Variants in BBS9 observed in about 807,000 individuals in gnomAD.
The protein encoded by BBS9 is protein PTHB1.
A neutral mutation model predicts 117.7 loss-of-function variants in BBS9; 89 were observed. That is an observed-to-expected ratio of 0.76 (90% CI 0.64 to 0.90). BBS9 has a LOEUF of 0.90. BBS9 is among the 40% of genes least tolerant of loss of function. The pLI, the probability that BBS9 is intolerant of heterozygous loss-of-function variation, is 0.00. For synonymous variants in BBS9, 379 were observed against 370.9 expected (o/e 1.02, Z -0.25); for missense variants, 982 against 1,042.2 (o/e 0.94, Z 0.80).
rs1276911795 is a variant in BBS9 at position 33,561,940 on chromosome 7, A to G, written c.2521+27764A>G. On this transcript the variant is annotated intron_variant, in intron 21 of 22. Coordinates refer to ENST00000242067, the MANE Select transcript of BBS9 (RefSeq NM_198428.3). ...ATATTACATAGACATGTTACCAACAATAGTCTTTTCTTTCTTGAAAAATAG... is the reference window on the plus strand; with the variant it reads ...ATATTACATAGACATGTTACCAACAGTAGTCTTTTCTTTCTTGAAAAATAG... Among the ~76,000 whole-genome samples, 5 of 152,216 alleles carry G rather than the reference A, an allele frequency of 3.3e-5. No individual in the cohort carries two copies. In the East Asian group the frequency reaches 9.6e-4, roughly 29 times the overall value.
chr7:33,243,736 A>G (rs1245794657), intron 5 of BBS9, among the ~76,000 whole-genome samples: 1 of 152,178 alleles, frequency 6.6e-6, no homozygotes. Flanking sequence ...GAGGTTCTCA[A>G]TTACTATCCT....
At chr7:33,164,382 C>G (rs992286320) in intron 4 of BBS9, among the ~76,000 whole-genome samples, 1 of 152,078 alleles carries the variant, frequency 6.6e-6, no homozygotes, top group African/African-American at 2.4e-5. Context: ...TCCTGGATAT[C>G]CTTGTTAACT....
At chr7:33,145,961 C>A (rs767670874) in intron 1 of BBS9, among the ~76,000 whole-genome samples, 5 of 152,120 alleles carry the variant, frequency 3.3e-5, no homozygotes, top group Admixed American at 1.3e-4. Context: ...AGAATCTGTT[C>A]TTTTGTTATT....
At chr7:33,532,119 C>T (rs1413607658) in intron 20 of BBS9, among the ~76,000 whole-genome samples, 4 of 152,220 alleles carry the variant, frequency 2.6e-5, no homozygotes, top group African/African-American at 9.7e-5. Context: ...AGTCTCAGAG[C>T]CCCAAAGAGG....
At chr7:33,257,968 A>T (rs17170143) in intron 6 of BBS9, among the ~76,000 whole-genome samples, 17,162 of 152,228 alleles carry the variant, frequency 0.11, 1,141 homozygotes, top group African/African-American at 0.18. Context: ...AAATGACCCT[A>T]GGCAAATAGT....
At chr7:33,619,007 T>G (rs1865278146) in intron 21 of BBS9, among the ~76,000 whole-genome samples, 4 of 152,104 alleles carry the variant, frequency 2.6e-5, no homozygotes, top group Admixed American at 2.6e-4. Context: ...ATAGAAGTCC[T>G]TCTCATTAAT....
intron 9 of BBS9, among the ~76,000 whole-genome samples, chr7:33,293,391 G>A (rs142819384): frequency 8.6e-5 from 13 of 151,688 alleles, no homozygotes; most frequent in African/African-American, 2.9e-4. Context: ...TCACAGACAC[G>A]GAAAAAAGGA....
At chr7:33,209,554 C>T (rs1583637556) in intron 5 of BBS9, among the ~76,000 whole-genome samples, 2 of 152,152 alleles carry the variant, frequency 1.3e-5, no homozygotes, top group African/African-American at 4.8e-5. Context: ...TAATTATTCC[C>T]ATCAATAGTG....
chr7:33,544,547 G>A (rs775972913), intron 21 of BBS9, among the ~76,000 whole-genome samples: 8 of 152,186 alleles, frequency 5.3e-5, no homozygotes, highest in East Asian at 1.9e-4. Flanking sequence ...AATGTGAACC[G>A]TCTGTGGGTC....
chr7:33,312,131 C>T (rs1323981402), intron 9 of BBS9, among the ~76,000 whole-genome samples: 2 of 152,164 alleles, frequency 1.3e-5, no homozygotes, highest in Non-Finnish European at 2.9e-5. Flanking sequence ...TTCTGTCCAC[C>T]ATTTTTTTGA....
chr7:33,459,842 G>A (rs949992104), intron 19 of BBS9, among the ~76,000 whole-genome samples: 3 of 152,010 alleles, frequency 2.0e-5, no homozygotes, highest in Non-Finnish European at 4.4e-5. Flanking sequence ...TTAAAACTTG[G>A]TCTTTACCAT....
At chr7:33,574,446 A>G (rs1001136002) in intron 21 of BBS9, among the ~76,000 whole-genome samples, 3 of 152,064 alleles carry the variant, frequency 2.0e-5, no homozygotes, top group African/African-American at 7.2e-5. Context: ...GATGAAGAAG[A>G]TGAGGCCCAG....
Position 33,164,162 on chromosome 7 carries a change from G to A in BBS9, c.328+8460G>A, listed in dbSNP as rs183382800. 5.1e-3 allele frequency among the ~76,000 whole-genome samples: 771 copies of A among 152,282 alleles called. 9 individuals carry two copies. Among genetic ancestry groups the A allele is most frequent in the African/African-American group, 0.017 (727 of 41,556 alleles). On this transcript the variant is annotated intron_variant, in intron 4 of 22. Coordinates refer to ENST00000242067, the MANE Select transcript of BBS9 (RefSeq NM_198428.3). ...AGTTTTGAATGAGTTTCTTAATCCT[G>A]AGTTCTAATTTGATTGCACTGTGGT...
intron 21 of BBS9, among the ~76,000 whole-genome samples, chr7:33,631,621 C>T (rs1463796613): frequency 6.6e-6 from 1 of 152,228 alleles, no homozygotes; most frequent in Non-Finnish European, 1.5e-5. Context: ...TTCAGAGGCC[C>T]TCCCAGTGGT....
intron 21 of BBS9, among the ~76,000 whole-genome samples, chr7:33,598,779 A>G (rs1457857460): frequency 6.6e-6 from 1 of 152,222 alleles, no homozygotes; most frequent in African/African-American, 2.4e-5. Context: ...TTCTGGTAGT[A>G]GTATTGTAAG....
intron 9 of BBS9, among the ~76,000 whole-genome samples, chr7:33,332,773 A>G (rs1814405046): frequency 6.6e-6 from 1 of 152,222 alleles, no homozygotes; most frequent in African/African-American, 2.4e-5. Flanking sequence ...ATACTATATT[A>G]TCATTCTTGA....
At chr7:33,288,298 C>T (rs776824367) in intron 9 of BBS9, among the ~76,000 whole-genome samples, 2 of 152,142 alleles carry the variant, frequency 1.3e-5, no homozygotes, top group Non-Finnish European at 2.9e-5. Context: ...TTGCTCTAAC[C>T]TCAACCTTTT....
chr7:33,340,807 T>A lies in BBS9; in HGVS notation c.1199-90T>A, dbSNP rs1050505964. 3.0e-5 allele frequency: 32 copies of A among 1,063,422 alleles called. No individual in the cohort carries two copies. In the Middle Eastern group the frequency reaches 1.1e-3, roughly 37 times the overall value. The allele number at this position is 1,063,422 out of a possible 1,614,324, so 65.9% of individuals were successfully genotyped here. A position where few individuals can be genotyped will look rare whatever the true frequency, so the allele number is the denominator to read the frequency against. On this transcript the variant is annotated intron_variant, in intron 10 of 22. Transcript: ENST00000242067. ...GTGAGTATGTTTATGGGGTTTTTTT[T>A]ATATGTGGTATAGACAAACCTTTAA... is the stretch of plus-strand genomic sequence containing the variant.
chr7:33,387,333 C>T (rs1584607045), intron 18 of BBS9, among the ~76,000 whole-genome samples: 1 of 152,020 alleles, frequency 6.6e-6, no homozygotes, highest in Non-Finnish European at 1.5e-5. Flanking sequence ...TGGATTGTTG[C>T]TGATTTCCTA....
Sources: allele counts gnomAD v4.1 joint callset (sites outside exome capture counted in the v4.1 genomes callset), GRCh38; gene constraint gnomAD v4.1.1; transcripts MANE v1.5; gene names NCBI Gene and HGNC (gene_info 2026-07-23, HGNC 2026-07-21).